Variants in VIRMA observed in about 807,000 individuals in gnomAD.
VIRMA encodes vir like m6A methyltransferase associated.
A neutral mutation model predicts 182.4 loss-of-function variants in VIRMA; 65 were observed. The observed-to-expected ratio is 0.36, with a 90% CI of 0.29 to 0.44. The LOEUF is 0.44. Ranked by LOEUF, VIRMA falls within the 20% of genes least tolerant of loss-of-function variation. VIRMA has a pLI of 1.00. For missense variants in VIRMA, 1,752 were observed against 2,158.1 expected, an observed-to-expected ratio of 0.81 and a Z score of 3.73; for synonymous variants, 709 against 743.1, an observed-to-expected ratio of 0.95 and a Z score of 0.75.
intron 12 of VIRMA, 108 bp from the exon 13 acceptor site, chr8:94,511,837 T>A: frequency 1.4e-6 from 1 of 716,872 alleles, no homozygotes; most frequent in Non-Finnish European, 2.0e-6. Context: ...ATATTTATAA[T>A]AAATGATTTT....
chr8:94,501,802 C>G (rs1161384919), intron 16 of VIRMA, among the ~76,000 whole-genome samples: 1 of 151,748 alleles, frequency 6.6e-6, no homozygotes, highest in East Asian at 1.9e-4. Context: ...ACAAAAGATA[C>G]AAAAATTAGC....
intron 11 of VIRMA, among the ~76,000 whole-genome samples, chr8:94,512,858 C>T (rs1213998111): frequency 6.6e-6 from 1 of 152,206 alleles, no homozygotes; most frequent in Non-Finnish European, 1.5e-5. Context: ...TTCTGGCCTA[C>T]ATGGCATACA....
At chr8:94,496,624 AG>A in intron 17 of VIRMA, 144 bp from the exon 18 acceptor site, 1 of 568,828 alleles carries the variant, frequency 1.8e-6, no homozygotes, top group South Asian at 3.9e-5. Context: ...GCTAGTTTTA[AG>A]GATTTAGATG....
intron 2 of VIRMA, among the ~76,000 whole-genome samples, chr8:94,538,898 G>A (rs760653843): frequency 2.7e-5 from 4 of 150,488 alleles, no homozygotes; most frequent in South Asian, 2.1e-4. Flanking sequence ...GAACCACTGC[G>A]CCTGGCCTCC....
At chr8:94,517,666 A>C in intron 10 of VIRMA, 122 bp downstream of exon 10, 1 of 549,284 alleles carries the variant, frequency 1.8e-6, no homozygotes, top group Non-Finnish European at 2.9e-6. Context: ...AAGTAATTTC[A>C]GGAAGTTAAA....
At chr8:94,511,079 T>C (rs1478738184) in intron 13 of VIRMA, 106 bp downstream of exon 13, 11 of 1,470,746 alleles carry the variant, frequency 7.5e-6, no homozygotes, top group Non-Finnish European at 9.0e-6. Context: ...TTATGTCTTT[T>C]TGGGAGGAAG....
In VIRMA at chr8:94,538,261, T is replaced by G; in HGVS notation, c.265A>C (p.Ser89Arg). 1 of 1,606,194 alleles carries G rather than the reference T, an allele frequency of 6.2e-7. No homozygotes were observed. Among genetic ancestry groups the G allele is most frequent in the Non-Finnish European group, 8.5e-7 (1 of 1,172,882 alleles). ...PSAPVFDRLG[S>R]LEYDENTSII... ...TGAAATTACCTAGCAGGTACATACCTTCCCAACCTATCGAAAACAGGGGCA... is the reference window on the plus strand; with the variant it reads ...TGAAATTACCTAGCAGGTACATACCGTCCCAACCTATCGAAAACAGGGGCA... The change falls in exon 3 of 24, where the codon AGC (serine) becomes CGC (arginine). Residue 89 changes from serine (S) to arginine (R), a missense_variant and splice_region_variant. This residue lies in a region of VIRMA where 195 missense variants were observed against 191.7 expected (regional missense o/e 1.02). Coordinates refer to ENST00000297591, the MANE Select transcript of VIRMA (RefSeq NM_015496.5).
rs1406397311 is a variant in VIRMA at position 94,529,226 on chromosome 8, C to T, written c.724G>A (p.Glu242Lys). ...TCTTCTCCTTCTTCTTGTTGTTCCT[C>T]TTCTACTTCTCCTTCATCAGAATAT... ...GQYSDEGEVE[E>K]EQQEEGEEDE... Residue 242 changes from glutamate to lysine, a missense_variant, in exon 7 of 24, where the codon GAG (glutamate) becomes AAG (lysine). Physicochemically the swap from Glu to Lys is moderately conservative, Grantham distance 56. Around this residue, in one of 11 missense-constraint regions of VIRMA, gnomAD observed 114 missense variants for 106.9 expected, o/e 1.07. Transcript: ENST00000297591. 1 of 1,572,244 alleles carries T rather than the reference C, an allele frequency of 6.4e-7. No homozygotes were observed. The highest frequency in any genetic ancestry group is 2.2e-5 in the East Asian group (1 of 44,640).
Position 94,550,473 on chromosome 8 carries a change from T to C in VIRMA, c.63+2912A>G, listed in dbSNP as rs141567486. Reference sequence around the variant, plus strand: ...ACGCTCGGCTATTTGTTTGTATTTTTAGTAGAGACAGGGTTTCACCATGTT... The same window carrying C: ...ACGCTCGGCTATTTGTTTGTATTTTCAGTAGAGACAGGGTTTCACCATGTT... On this transcript the variant is annotated intron_variant, in intron 1 of 23. Transcript: ENST00000297591. Among the ~76,000 whole-genome samples the C allele has an allele frequency of 3.9e-5, 6 of 152,108 alleles. No individual in the cohort carries two copies. In the East Asian group the frequency reaches 1.2e-3, roughly 30 times the overall value.
chr8:94,521,966 T>G (rs1436626246), intron 8 of VIRMA, among the ~76,000 whole-genome samples: 1 of 152,158 alleles, frequency 6.6e-6, no homozygotes, highest in Non-Finnish European at 1.5e-5. Flanking sequence ...TCTGGGAACT[T>G]AGATTTCAAG....
At chr8:94,530,876 G>A (rs1815148157) in intron 6 of VIRMA, 87 bp downstream of exon 6, 1 of 1,449,370 alleles carries the variant, frequency 6.9e-7, no homozygotes, top group Non-Finnish European at 9.3e-7. Flanking sequence ...ACTCCACCCT[G>A]GGCAACAGAG....
At chr8:94,536,449 G>A (rs2130373454) in intron 4 of VIRMA, among the ~76,000 whole-genome samples, 1 of 152,326 alleles carries the variant, frequency 6.6e-6, no homozygotes, top group East Asian at 1.9e-4. Context: ...GATAAGAAAG[G>A]AGAAATATGA....
chr8:94,512,052 A>G lies in VIRMA; in HGVS notation c.2789T>C (p.Leu930Pro). ...ACAGAGAACACGTAAGGCAGTGGTA[A>G]GGCCAACTCCTTCTGGGGTCATCAA... ...DNLMTPEGVG[L>P]TTALRVLCNV... is the part of the protein sequence containing the mutation. The change falls in exon 12 of 24, where the codon CTT (leucine) becomes CCT (proline). Residue 930 changes from leucine (L) to proline (P), a missense_variant. Leu to Pro is a moderately conservative substitution (Grantham distance 98). This residue lies in a region of VIRMA where 777 missense variants were observed against 920.6 expected (regional missense o/e 0.84). Coordinates refer to ENST00000297591, the MANE Select transcript of VIRMA (RefSeq NM_015496.5). 6.6e-7 allele frequency: 1 copy of G among 1,524,774 alleles called. No individual in the cohort carries two copies. The highest frequency in any genetic ancestry group is 8.8e-7 in the Non-Finnish European group (1 of 1,136,018). The allele number at this position is 1,524,774 out of a possible 1,614,324, so 94.5% of individuals were successfully genotyped here.
intron 2 of VIRMA, among the ~76,000 whole-genome samples, chr8:94,540,515 A>G (rs1405590474): frequency 7.6e-6 from 1 of 130,780 alleles, no homozygotes; most frequent in Non-Finnish European, 1.5e-5. Context: ...CCCAGGCTGG[A>G]GTGCAGTGGT....
chr8:94,495,702 A>C, intron 19 of VIRMA, 29 bp downstream of exon 19: 1 of 1,597,448 alleles, frequency 6.3e-7, no homozygotes, highest in Non-Finnish European at 8.5e-7. Context: ...ACCAACAGCT[A>C]TTCAATCATA....
intron 9 of VIRMA, among the ~76,000 whole-genome samples, chr8:94,518,371 A>G (rs1023766): frequency 0.6 from 91,834 of 152,048 alleles, 28,060 homozygotes; most frequent in East Asian, 0.81. Context: ...GCTAGGCATG[A>G]AAGTCATTGC....
At position 94,538,331 on chromosome 8, in the gene VIRMA, A is replaced by T; in HGVS notation, c.195T>A (p.His65Gln). 6.2e-7 allele frequency: 1 copy of T among 1,609,482 alleles called. No homozygotes were observed. Among genetic ancestry groups the T allele is most frequent in the Non-Finnish European group, 8.5e-7 (1 of 1,175,982 alleles). ...DNRAYGETSP[H>Q]TFQLDLFFNN... ...TGAAGAATAAGTCTAATTGAAATGTATGGGGAGATGTCTCTCTGTAAATGA... is the reference window on the plus strand; with the variant it reads ...TGAAGAATAAGTCTAATTGAAATGTTTGGGGAGATGTCTCTCTGTAAATGA... The change falls in exon 3 of 24, where the codon CAT becomes CAA. Residue 65 changes from histidine to glutamine, a missense_variant. Transcript: ENST00000297591.
chr8:94,507,687 G>C (rs1295540482), intron 15 of VIRMA, among the ~76,000 whole-genome samples: 1 of 151,794 alleles, frequency 6.6e-6, no homozygotes, highest in Non-Finnish European at 1.5e-5. Context: ...CCAGGAGGCG[G>C]AGGTTGCACT....
rs1322340501 is a variant in VIRMA at position 94,495,955 on chromosome 8, C to A, written c.4384-64G>T. 2.8e-6 allele frequency: 4 copies of A among 1,429,710 alleles called. No homozygotes were observed. The African/African-American group carries it at 5.7e-5, about 20-fold the overall frequency. The allele number at this position is 1,429,710 out of a possible 1,614,324, so 88.6% of individuals were successfully genotyped here. A position where few individuals can be genotyped will look rare whatever the true frequency, so the allele number is the denominator to read the frequency against. Reference sequence around the variant, plus strand: ...AAACTTATGTCTGTAAACCTACTGACTCTTTCGTAGAAAAGGCTATATGTA... The same window carrying A: ...AAACTTATGTCTGTAAACCTACTGAATCTTTCGTAGAAAAGGCTATATGTA... On this transcript the variant is annotated intron_variant, in intron 18 of 23. Coordinates refer to ENST00000297591, the MANE Select transcript of VIRMA (RefSeq NM_015496.5).
Sources: gnomAD v4.1 joint callset for allele counts (sites outside exome capture counted in the v4.1 genomes callset) on GRCh38, gnomAD v4.1.1 for gene constraint, gnomAD v4.1.1 regional missense constraint, MANE v1.5 for transcripts, NCBI Gene and HGNC (gene_info 2026-07-23, HGNC 2026-07-21) for gene names.